IRAK3: variants seen among roughly 807,000 people sequenced by gnomAD.
The protein encoded by IRAK3 is interleukin 1 receptor associated kinase 3, also known as interleukin-1 receptor-associated kinase 3.
IRAK3 carries 57 observed loss-of-function variants against 56.6 expected under a neutral mutation model. The ratio of observed to expected loss-of-function variants is 1.01; its 90% CI spans 0.81 to 1.26. The LOEUF (loss-of-function observed/expected upper bound fraction) is 1.26. Among genes scored for constraint, IRAK3 ranks in the 50% most tolerant of loss-of-function variants. The pLI, the probability that IRAK3 is intolerant of heterozygous loss-of-function variation, is 0.00. For synonymous variants in IRAK3, 258 were observed against 255.7 expected (o/e 1.01, Z -0.09); for missense variants, 703 against 719.0 (o/e 0.98, Z 0.25).
intron 1 of IRAK3, among the ~76,000 whole-genome samples, chr12:66,193,484 A>G (rs936461964): frequency 1.3e-5 from 2 of 152,150 alleles, no homozygotes; most frequent in African/African-American, 4.8e-5. Flanking sequence ...ATTATTAACT[A>G]AAGTCCATGC....
chr12:66,245,607 C>T (rs1244551888), intron 11 of IRAK3, among the ~76,000 whole-genome samples: 1 of 110,150 alleles, frequency 9.1e-6, no homozygotes, highest in Non-Finnish European at 1.8e-5. Flanking sequence ...GCACGGCCCA[C>T]TGCAACCTCC....
Position 66,189,922 on chromosome 12 carries a change from C to T in IRAK3, c.133+490C>T, listed in dbSNP as rs140678818. On this transcript the variant is annotated intron_variant, in intron 1 of 11. Transcript: ENST00000261233. ...CTACGGTTTGCAATGAACGCGGCTCCTAATTTTCTTAATTAAATCTTATTT... is the reference window on the plus strand; with the variant it reads ...CTACGGTTTGCAATGAACGCGGCTCTTAATTTTCTTAATTAAATCTTATTT... 2.1e-3 allele frequency among the ~76,000 whole-genome samples: 324 copies of T among 152,330 alleles called. 2 individuals are homozygous for T. Among genetic ancestry groups the T allele is most frequent in the African/African-American group, 7.1e-3 (297 of 41,564 alleles).
At chr12:66,202,797 G>C (rs1168761) in intron 1 of IRAK3, among the ~76,000 whole-genome samples, 31,567 of 149,976 alleles carry the variant, frequency 0.21, 6,382 homozygotes, top group African/African-American at 0.52. Flanking sequence ...AGAGTGAGAT[G>C]TTGTCTCAAA....
intron 1 of IRAK3, among the ~76,000 whole-genome samples, chr12:66,189,957 C>G (rs901821378): frequency 6.6e-6 from 1 of 152,114 alleles, no homozygotes; most frequent in South Asian, 2.1e-4. Flanking sequence ...TACCCAATTT[C>G]GTTGAATGAA....
In IRAK3 at chr12:66,249,190, G is replaced by C. The variant is rs2053068462; in HGVS notation, c.*1019G>C. On this transcript the variant is annotated 3_prime_UTR_variant, in exon 12 of 12. Coordinates refer to ENST00000261233, the MANE Select transcript of IRAK3 (RefSeq NM_007199.3). ...TATCTCTTTTTTTTTTTGAGACGGA[G>C]TCTCGCTCTGTCATCCAGGCTGGAG... 1 of 151,206 alleles carries C rather than the reference G, an allele frequency of 6.6e-6. No individual in the cohort carries two copies. Among genetic ancestry groups the C allele is most frequent in the Non-Finnish European group, 1.5e-5 (1 of 67,906 alleles). 9.4% of individuals were successfully genotyped at this position (151,206 alleles called of 1,614,324 possible).
chr12:66,244,386 G>T (rs963553609), intron 8 of IRAK3, 100 bp from the exon 9 acceptor site: 1 of 836,202 alleles, frequency 1.2e-6, no homozygotes, highest in South Asian at 1.4e-5. Context: ...ACAGTGTTTC[G>T]AATTAACCAG....
Position 66,220,874 on chromosome 12 carries a change from A to C in IRAK3, c.653+3639A>C, listed in dbSNP as rs559761159. Among the ~76,000 whole-genome samples the C allele has an allele frequency of 1.5e-4, 23 of 152,058 alleles. No individual in the cohort carries two copies. The South Asian group carries it at 3.1e-3, about 21-fold the overall frequency. The stretch of plus-strand genomic sequence containing the variant: ...TTTGGGTCTTTCATGGTTCTATATA[A>C]ATTTTAGCATTTTTCTTCTATTTTT... On this transcript the variant is annotated intron_variant, in intron 6 of 11. Transcript: ENST00000261233.
At chr12:66,233,774 TTTTTTC>T (rs1228489103) in intron 8 of IRAK3, among the ~76,000 whole-genome samples, 4 of 150,444 alleles carry the variant, frequency 2.7e-5, no homozygotes, top group African/African-American at 7.3e-5. Flanking sequence ...TTTTCTTTTC[TTTTTTC>T]TTTTTCTTTT....
At position 66,217,184 on chromosome 12, in the gene IRAK3, A is replaced by C; in HGVS notation, c.602A>C (p.Gln201Pro). The C allele has an allele frequency of 6.2e-7, 1 of 1,608,796 alleles. No individual in the cohort carries two copies. Among genetic ancestry groups the C allele is most frequent in the Non-Finnish European group, 8.5e-7 (1 of 1,175,252 alleles). ...VKLFKQEKKM[Q>P]CKKHWKRFLS... Reference sequence around the variant, plus strand: ...CTGTATATGTAGGAGAAAAAAATGCAGTGTAAGAAGCATTGGAAGAGGTTT... The same window carrying C: ...CTGTATATGTAGGAGAAAAAAATGCCGTGTAAGAAGCATTGGAAGAGGTTT... The change falls in exon 6 of 12, where the codon CAG becomes CCG. Residue 201 changes from glutamine (Q) to proline (P), a missense_variant. Gln to Pro is a moderately conservative substitution (Grantham distance 76, BLOSUM62 -1). Coordinates refer to ENST00000261233, the MANE Select transcript of IRAK3 (RefSeq NM_007199.3).
chr12:66,203,799 G>C lies in IRAK3; in HGVS notation c.222G>C (p.Trp74Cys). ...AAAGTGGAACAAGAGAATTACTTTG[G>C]TCCTGGGCACAGAAAAACAAGACCA... ...QGKSGTRELLWSWAQKNKTIG... is the reference protein window; with the variant it reads ...QGKSGTRELLCSWAQKNKTIG... The change falls in exon 2 of 12, where the codon TGG becomes TGC. Residue 74 changes from tryptophan (W) to cysteine (C), a missense_variant. By Grantham distance (215) the Trp-to-Cys change is radical. Coordinates refer to ENST00000261233, the MANE Select transcript of IRAK3 (RefSeq NM_007199.3). 1 of 1,613,834 alleles carries C rather than the reference G, an allele frequency of 6.2e-7. No individual in the cohort carries two copies. Among genetic ancestry groups the C allele is most frequent in the Non-Finnish European group, 8.5e-7 (1 of 1,179,768 alleles).
intron 11 of IRAK3, among the ~76,000 whole-genome samples, chr12:66,246,435 G>A (rs962500344): frequency 6.6e-6 from 1 of 152,166 alleles, no homozygotes; most frequent in South Asian, 2.1e-4. Flanking sequence ...CCATGCAAGG[G>A]TTTTAAACAA....
chr12:66,218,998 G>A (rs562931330), intron 6 of IRAK3, among the ~76,000 whole-genome samples: 2 of 152,106 alleles, frequency 1.3e-5, no homozygotes, highest in African/African-American at 4.8e-5. Flanking sequence ...GAAATGGCAG[G>A]ATTTTCTTCT....
At chr12:66,239,575 T>A (rs73327341) in intron 8 of IRAK3, among the ~76,000 whole-genome samples, 1 of 152,222 alleles carries the variant, frequency 6.6e-6, no homozygotes, top group African/African-American at 2.4e-5. Context: ...TTTGTTTGAC[T>A]GATAAGATTC....
At chr12:66,230,729 G>C (rs558197219) in intron 8 of IRAK3, among the ~76,000 whole-genome samples, 4 of 152,050 alleles carry the variant, frequency 2.6e-5, no homozygotes, top group African/African-American at 9.7e-5. Context: ...TGGTGGGAGA[G>C]TGCACCATGG....
chr12:66,206,791 ATCT>A (rs2136921584), intron 2 of IRAK3, among the ~76,000 whole-genome samples: 2 of 152,334 alleles, frequency 1.3e-5, no homozygotes, highest in East Asian at 3.9e-4. Flanking sequence ...ACTGGTGTTA[ATCT>A]TCTTTAAATG....
chr12:66,223,144 A>T (rs769456802), intron 6 of IRAK3, among the ~76,000 whole-genome samples: 6 of 151,994 alleles, frequency 3.9e-5, no homozygotes, highest in Non-Finnish European at 8.8e-5. Context: ...GGCCATTTTC[A>T]CTTCTTTTGT....
intron 8 of IRAK3, among the ~76,000 whole-genome samples, chr12:66,244,048 A>G (rs983570412): frequency 1.3e-5 from 2 of 152,228 alleles, no homozygotes; most frequent in African/African-American, 4.8e-5. Flanking sequence ...AATCATTCCA[A>G]GTTAGTGGCT....
At chr12:66,197,920 AAAAC>A (rs1048008979) in intron 1 of IRAK3, 14 of 985,402 alleles carry the variant, frequency 1.4e-5, no homozygotes, top group East Asian at 2.3e-4. Context: ...AATCAAAAAA[AAAAC>A]AAACAGAGAA....
At chr12:66,216,406 C>G (rs1282247569) in intron 5 of IRAK3, among the ~76,000 whole-genome samples, 1 of 152,208 alleles carries the variant, frequency 6.6e-6, no homozygotes, top group Non-Finnish European at 1.5e-5. Context: ...GAATTTCTCT[C>G]CCTTTATTCC....
Sources: allele counts gnomAD v4.1 joint callset (sites outside exome capture counted in the v4.1 genomes callset), GRCh38; gene constraint gnomAD v4.1.1; transcripts MANE v1.5; gene names NCBI Gene and HGNC (gene_info 2026-07-23, HGNC 2026-07-21).